The following SPTBN1 variants were observed in gnomAD, a reference collection of about 807,000 sequenced individuals.
SPTBN1 encodes spectrin beta chain, non-erythrocytic 1.
Under a neutral mutation model 266.4 loss-of-function variants are expected in SPTBN1, and 32 were observed. That is an observed-to-expected ratio of 0.12 (90% confidence interval 0.09 to 0.16). The LOEUF is 0.16. Among genes scored for constraint, SPTBN1 ranks in the 10% least tolerant of loss-of-function variants. The pLI, the probability that SPTBN1 is intolerant of heterozygous loss-of-function variation, is 1.00. For synonymous variants in SPTBN1, 1,336 were observed against 1,162.2 expected (o/e 1.15, Z -3.04); for missense variants, 2,296 against 3,067.1 (o/e 0.75, Z 5.94).
At position 54,631,107 on chromosome 2, in the gene SPTBN1, G is replaced by A; in HGVS notation, c.3060G>A (p.Glu1020=). 1 of 1,614,210 alleles carries A rather than the reference G, an allele frequency of 6.2e-7. No homozygotes were observed. The highest frequency in any genetic ancestry group is 8.5e-7 in the Non-Finnish European group (1 of 1,180,048). Residue 1020 remains glutamate (E), a synonymous_variant, in exon 16 of 36, where the codon GAG becomes GAA. Transcript: ENST00000356805. ...TGAGTGACCTGCAGAAGGAGGCGGAGAAGCTGGAGTCCGAGCACCCCGACC... is the reference window on the plus strand; with the variant it reads ...TGAGTGACCTGCAGAAGGAGGCGGAAAAGCTGGAGTCCGAGCACCCCGACC... The part of the protein sequence containing the change: ...AKLSDLQKEA[E]KLESEHPDQA...
rs1191257005 is a variant in SPTBN1 at position 54,653,623 on chromosome 2, G to A, written c.5592G>A (p.Gln1864=). The A allele has an allele frequency of 6.2e-7, 1 of 1,613,616 alleles. No individual in the cohort carries two copies. Among genetic ancestry groups the A allele is most frequent in the Admixed American group, 1.7e-5 (1 of 59,936 alleles). The change falls in exon 27 of 36, where the codon CAG becomes CAA. Residue 1864 remains glutamine (Q), a synonymous_variant. Transcript: ENST00000356805. The surrounding 1 kb of genome is among the most constrained non-coding windows in gnomAD (Gnocchi z 5.1). ...QALGTQVRQL[Q]EDAARLQAAY... is the part of the protein sequence containing the mutation. ...TGGCTTCACAGGTGAGGCAGCTGCA[G>A]GAGGATGCAGCCCGCCTCCAGGCGG... is the stretch of plus-strand genomic sequence containing the variant.
rs1431983026 is a variant in SPTBN1, at chr2:54,655,957, T to A, written c.6005T>A (p.Met2002Lys). 5.6e-6 allele frequency: 9 copies of A among 1,613,660 alleles called. No individual in the cohort carries two copies. Among genetic ancestry groups the A allele is most frequent in the Non-Finnish European group, 7.6e-6 (9 of 1,179,654 alleles). ...LLQLTEKRKEMIDKWEDRWEW... is the reference protein window; with the variant it reads ...LLQLTEKRKEKIDKWEDRWEW... ...CAGTTGACGGAAAAGAGGAAAGAAA[T>A]GATCGACAAGTGGGAAGACCGATGG... is the stretch of plus-strand genomic sequence containing the variant. Residue 2002 changes from methionine (M) to lysine (K), a missense_variant, in exon 29 of 36, where the codon ATG (methionine) becomes AAG (lysine). Physicochemically the swap from Met to Lys is moderately conservative, Grantham distance 95. This residue lies in a region of SPTBN1 where 644 missense variants were observed against 745.3 expected (regional missense o/e 0.86). Transcript: ENST00000356805.
intron 1 of SPTBN1, among the ~76,000 whole-genome samples, chr2:54,460,648 C>A (rs1040635978): frequency 2.0e-5 from 3 of 152,088 alleles, no homozygotes; most frequent in African/African-American, 4.8e-5. Context: ...TCTTAGAGTT[C>A]TTTTTTGAAT....
intron 27 of SPTBN1, 82 bp from the exon 28 acceptor site, chr2:54,654,988 C>G (rs1572764061): frequency 1.5e-6 from 2 of 1,314,774 alleles, no homozygotes; most frequent in Non-Finnish European, 2.1e-6. Flanking sequence ...CAGTTTCTTT[C>G]AAATTAATTG....
chr2:54,640,258 CAG>C (rs1301065173), intron 18 of SPTBN1, among the ~76,000 whole-genome samples: 1 of 152,078 alleles, frequency 6.6e-6, no homozygotes, highest in Non-Finnish European at 1.5e-5. Context: ...ACAGAGCACT[CAG>C]AGGTCAAATT....
chr2:54,581,887 G>T (rs1674937984), intron 2 of SPTBN1, among the ~76,000 whole-genome samples: 1 of 151,932 alleles, frequency 6.6e-6, no homozygotes, highest in African/African-American at 2.4e-5. Flanking sequence ...TTAATTAATG[G>T]CTCTACTTGC....
intron 2 of SPTBN1, among the ~76,000 whole-genome samples, chr2:54,597,335 G>C (rs1303910754): frequency 6.6e-6 from 1 of 152,186 alleles, no homozygotes; most frequent in Non-Finnish European, 1.5e-5. Context: ...CAATGATTAC[G>C]TGATCAATAA....
chr2:54,557,741 T>A (rs1672970071), intron 2 of SPTBN1: 1 of 985,322 alleles, frequency 1.0e-6, no homozygotes, highest in South Asian at 4.7e-5. Context: ...ATTCCTATCA[T>A]AGGCCCGTGT....
chr2:54,638,647 TC>T (rs1481475667), intron 18 of SPTBN1, among the ~76,000 whole-genome samples: 2 of 152,252 alleles, frequency 1.3e-5, no homozygotes, highest in African/African-American at 4.8e-5. Flanking sequence ...ACGTGTGAGT[TC>T]GTGAGCACAC....
chr2:54,654,787 T>C (rs1216156384), intron 27 of SPTBN1, among the ~76,000 whole-genome samples: 1 of 152,230 alleles, frequency 6.6e-6, no homozygotes, highest in East Asian at 1.9e-4. Context: ...CCATTGCTTT[T>C]TCTGGCACCC....
chr2:54,532,833 C>T (rs971299400), intron 2 of SPTBN1, among the ~76,000 whole-genome samples: 48 of 152,090 alleles, frequency 3.2e-4, no homozygotes, highest in African/African-American at 1.2e-3. Context: ...TGTGTTGATT[C>T]TACTGTGAGA....
intron 2 of SPTBN1, among the ~76,000 whole-genome samples, chr2:54,583,825 T>G (rs1216756041): frequency 6.6e-6 from 1 of 152,206 alleles, no homozygotes; most frequent in Non-Finnish European, 1.5e-5. Context: ...AGTGCTCTTT[T>G]TATTCCTACT....
At chr2:54,634,201 A>G (rs751380565) in intron 17 of SPTBN1, among the ~76,000 whole-genome samples, 1 of 152,200 alleles carries the variant, frequency 6.6e-6, no homozygotes, top group Non-Finnish European at 1.5e-5. Flanking sequence ...TCAGGCAGGC[A>G]TGCAGCTGCC....
At chr2:54,517,905 A>G (rs185385690) in intron 1 of SPTBN1, among the ~76,000 whole-genome samples, 154 of 151,222 alleles carry the variant, frequency 1.0e-3, no homozygotes, top group African/African-American at 3.5e-3. Context: ...CAGCCTCCCA[A>G]AGTGCTGGGA....
chr2:54,579,153 G>A (rs1337612940), intron 2 of SPTBN1, among the ~76,000 whole-genome samples: 2 of 152,064 alleles, frequency 1.3e-5, no homozygotes, highest in Non-Finnish European at 2.9e-5. Context: ...TCAGAATAAA[G>A]CTTCCTAGGA....
In SPTBN1 at chr2:54,664,483, G is replaced by T. The variant is rs1429470792; in HGVS notation, c.6451G>T (p.Val2151Phe). Reference sequence around the variant, plus strand: ...AGAAACGGTGGACACAAGCGAAATGGTCAACGGCGCTACAGAACAAAGGAC... The same window carrying T: ...AGAAACGGTGGACACAAGCGAAATGTTCAACGGCGCTACAGAACAAAGGAC... ...MAETVDTSEM[V>F]NGATEQRTSS... is the part of the protein sequence containing the mutation. Residue 2151 changes from valine to phenylalanine, a missense_variant, in exon 33 of 36, where the codon GTC (valine) becomes TTC (phenylalanine). Physicochemically the swap from Val to Phe is conservative, Grantham distance 50. Coordinates refer to ENST00000356805, the MANE Select transcript of SPTBN1 (RefSeq NM_003128.3). The surrounding 1 kb of genome is among the most constrained non-coding windows in gnomAD (Gnocchi z 5.6). The T allele has an allele frequency of 1.2e-6, 2 of 1,613,770 alleles. No individual in the cohort carries two copies. Among genetic ancestry groups the T allele is most frequent in the African/African-American group, 2.7e-5 (2 of 75,010 alleles).
chr2:54,507,356 A>G (rs1358997020), intron 1 of SPTBN1, among the ~76,000 whole-genome samples: 1 of 151,824 alleles, frequency 6.6e-6, no homozygotes, highest in Non-Finnish European at 1.5e-5. Flanking sequence ...GGGTGGGGAA[A>G]ATTTTGGGGG....
chr2:54,629,474 G>A lies in SPTBN1; in HGVS notation c.2340G>A (p.Gln780=). Reference sequence around the variant, plus strand: ...TGGGCCACGATGAGTATTCCACACAGTCTCTGGTCAAGAAACACAAGGACG... The same window carrying A: ...TGGGCCACGATGAGTATTCCACACAATCTCTGGTCAAGAAACACAAGGACG... ...SDVGHDEYST[Q]SLVKKHKDVA... Residue 780 remains glutamine, a synonymous_variant, in exon 14 of 36, where the codon CAG becomes CAA. Coordinates refer to ENST00000356805, the MANE Select transcript of SPTBN1 (RefSeq NM_003128.3). 6.2e-7 allele frequency: 1 copy of A among 1,614,172 alleles called. No homozygotes were observed. The highest frequency in any genetic ancestry group is 8.5e-7 in the Non-Finnish European group (1 of 1,180,042).
At position 54,629,985 on chromosome 2, in the gene SPTBN1, A is replaced by G; in HGVS notation, c.2763A>G (p.Pro921=). Residue 921 remains proline, a synonymous_variant, in exon 15 of 36, where the codon CCA becomes CCG. Coordinates refer to ENST00000356805, the MANE Select transcript of SPTBN1 (RefSeq NM_003128.3). The stretch of plus-strand genomic sequence containing the variant: ...GCCAGCTGATGCACAGCGGCCACCC[A>G]AGTGAGAAGGAAATCAAAGCCCAGC... The part of the protein sequence containing the change: ...IARQLMHSGH[P]SEKEIKAQQD... The G allele has an allele frequency of 6.2e-7, 1 of 1,614,140 alleles. No individual in the cohort carries two copies. The highest frequency in any genetic ancestry group is 1.1e-5 in the South Asian group (1 of 91,080).
Sources: allele counts gnomAD v4.1 joint callset (sites outside exome capture counted in the v4.1 genomes callset), GRCh38; gene constraint gnomAD v4.1.1; regional missense constraint gnomAD v4.1.1; non-coding constraint Gnocchi (gnomAD v3.1); transcripts MANE v1.5; gene names NCBI Gene and HGNC (gene_info 2026-07-23, HGNC 2026-07-21).